LGI1: variants seen among roughly 807,000 people sequenced by gnomAD.
LGI1 encodes leucine-rich glioma-inactivated protein 1.
Under a neutral mutation model 57.7 loss-of-function variants are expected in LGI1, and 11 were observed. The observed-to-expected ratio is 0.19, with a 90% CI of 0.12 to 0.32. The LOEUF (loss-of-function observed/expected upper bound fraction) is 0.32. LGI1 is among the 10% of genes least tolerant of loss of function. LGI1 has a pLI of 1.00. For missense variants in LGI1, 422 were observed against 661.9 expected (o/e 0.64, Z 3.98); for synonymous variants, 222 against 241.9 (o/e 0.92, Z 0.76).
At chr10:93,794,961 C>T (rs551562083) in intron 7 of LGI1, 2 of 152,138 alleles carry the variant, frequency 1.3e-5, no homozygotes, top group African/African-American at 2.4e-5. Flanking sequence ...CCCTTCCAAA[C>T]TGAGACCCTT....
chr10:93,758,441 AGAAGGGCATG>A lies in LGI1; in HGVS notation c.215+85_215+94del. On this transcript the variant is annotated intron_variant, in intron 1 of 7. Coordinates refer to ENST00000371418, the MANE Select transcript of LGI1 (RefSeq NM_005097.4). The surrounding 1 kb of genome is among the most constrained non-coding windows in gnomAD (Gnocchi z 4.7). ...GATTTGGGGCTTTGCATGTATTTGTAGAAGGGCATGGAGAGAGAGATTCCTCTTGCATGCT... is the reference window on the plus strand; with the variant it reads ...GATTTGGGGCTTTGCATGTATTTGTAGAGAGAGAGATTCCTCTTGCATGCT... The A allele has an allele frequency of 7.7e-7, 1 of 1,295,946 alleles. No homozygotes were observed. The allele number at this position is 1,295,946 out of a possible 1,614,324, so 80.3% of individuals were successfully genotyped here.
At chr10:93,787,927 A>T in intron 4 of LGI1, among the ~76,000 whole-genome samples, 1 of 146,152 alleles carries the variant, frequency 6.8e-6, no homozygotes, top group African/African-American at 2.5e-5. Context: ...AAAAAAAAAG[A>T]ATTCCCCTTG....
intron 2 of LGI1, chr10:93,767,289 T>C (rs2059689668): frequency 6.6e-6 from 1 of 152,190 alleles, no homozygotes; most frequent in African/African-American, 2.4e-5. Context: ...TTATTTACTT[T>C]AAAGTTACAC....
At position 93,795,056 on chromosome 10, in the gene LGI1, C is replaced by CTA. The variant is rs143818082; in HGVS notation, c.838+1709_838+1710dup. On this transcript the variant is annotated intron_variant, in intron 7 of 7. Transcript: ENST00000371418. ...AGGCCCCCATAAGTTTTCCAGTGGA[C>CTA]TATAGCAGGGTTTTGTGCGGTCGAA... is the stretch of plus-strand genomic sequence containing the variant. Among the ~76,000 whole-genome samples the CTA allele has an allele frequency of 9.3e-3, 1,415 of 152,252 alleles. 18 individuals are homozygous for CTA. The highest frequency in any genetic ancestry group is 0.032 in the African/African-American group (1,337 of 41,542).
At chr10:93,766,580 C>G (rs2059681378) in intron 2 of LGI1, among the ~76,000 whole-genome samples, 1 of 140,258 alleles carries the variant, frequency 7.1e-6, no homozygotes, top group African/African-American at 2.7e-5. Flanking sequence ...TCTCGGCTCA[C>G]TGCAAGCTCC....
chr10:93,777,470 TA>T lies in LGI1; in HGVS notation c.359+24del, dbSNP rs565885571. ...GTATTTGTAAGTAAAAAAGCTTTTTTAAAACATGATGATTCAGGACAAGTAC... is the reference window on the plus strand; with the variant it reads ...GTATTTGTAAGTAAAAAAGCTTTTTTAAACATGATGATTCAGGACAAGTAC... On this transcript the variant is annotated intron_variant, in intron 3 of 7. Transcript: ENST00000371418. The T allele has an allele frequency of 2.1e-3, 3,407 of 1,612,284 alleles. 10 individuals are homozygous for T. Among genetic ancestry groups the T allele is most frequent in the Non-Finnish European group, 2.7e-3 (3,196 of 1,178,348 alleles).
intron 4 of LGI1, among the ~76,000 whole-genome samples, chr10:93,779,524 A>T (rs2059827841): frequency 1.4e-5 from 2 of 147,284 alleles, no homozygotes; most frequent in Non-Finnish European, 3.0e-5. Flanking sequence ...AAGATGAGAG[A>T]GGAAGGGAAG....
At chr10:93,766,194 A>G (rs1220256640) in intron 2 of LGI1, among the ~76,000 whole-genome samples, 1 of 152,152 alleles carries the variant, frequency 6.6e-6, no homozygotes, top group African/African-American at 2.4e-5. Flanking sequence ...TATCCCTCTC[A>G]TGGAGCAAGG....
At chr10:93,790,458 G>C in intron 5 of LGI1, 3 of 361,888 alleles carry the variant, frequency 8.3e-6, no homozygotes, top group Non-Finnish European at 1.5e-5. Context: ...GGTGGGAAGA[G>C]ACCCGGCTAG....
chr10:93,777,296 A>G, intron 2 of LGI1, 83 bp from the exon 3 acceptor site: 3 of 1,184,110 alleles, frequency 2.5e-6, no homozygotes, highest in Non-Finnish European at 3.8e-6. Flanking sequence ...TACAACTCCC[A>G]CTCATTTTTC....
chr10:93,779,197 C>T (rs1316165973), intron 4 of LGI1, among the ~76,000 whole-genome samples: 1 of 151,274 alleles, frequency 6.6e-6, no homozygotes, highest in Non-Finnish European at 1.5e-5. Flanking sequence ...AACTTGAAAT[C>T]CACTAGATTC....
At position 93,790,025 on chromosome 10, in the gene LGI1, C is replaced by T. The variant is rs2059922481; in HGVS notation, c.432-74C>T. On this transcript the variant is annotated intron_variant, in intron 4 of 7. Transcript: ENST00000371418. ...TGGAAATGACAAAAGAGACTCATCA[C>T]TAAGCTTTATCATTAAATGCCTTTG... 5 of 1,412,250 alleles carry T rather than the reference C, an allele frequency of 3.5e-6. No individual in the cohort carries two copies. The South Asian group carries it at 6.1e-5, about 17-fold the overall frequency. 87.5% of individuals were successfully genotyped at this position (1,412,250 alleles called of 1,614,324 possible). A position where few individuals can be genotyped will look rare whatever the true frequency, so the allele number is the denominator to read the frequency against.
At chr10:93,796,226 G>C (rs2059978437) in intron 7 of LGI1, among the ~76,000 whole-genome samples, 1 of 152,154 alleles carries the variant, frequency 6.6e-6, no homozygotes, top group Non-Finnish European at 1.5e-5. Context: ...GTGACCTAAA[G>C]CTCCAGAAAA....
chr10:93,790,801 T>C (rs1156778218), intron 5 of LGI1: 3 of 152,538 alleles, frequency 2.0e-5, no homozygotes, highest in Non-Finnish European at 4.4e-5. Flanking sequence ...GCAAGGAATT[T>C]GTATATTTTG....
At position 93,797,851 on chromosome 10, in the gene LGI1, C is replaced by T; in HGVS notation, c.*48C>T. On this transcript the variant is annotated 3_prime_UTR_variant, in exon 8 of 8. Coordinates refer to ENST00000371418, the MANE Select transcript of LGI1 (RefSeq NM_005097.4). This position sits in a 1 kb window ranked among gnomAD's most constrained non-coding sequence, Gnocchi z 6.5. ...ATCAGAAATTTTCTACAGTACATGA[C>T]CCGGATGAACTCAATGCATGATGAC... 8.0e-7 allele frequency: 1 copy of T among 1,248,868 alleles called. No individual in the cohort carries two copies. Among genetic ancestry groups the T allele is most frequent in the Non-Finnish European group, 1.2e-6 (1 of 860,712 alleles). The allele number at this position is 1,248,868 out of a possible 1,614,324, so 77.4% of individuals were successfully genotyped here. A position where few individuals can be genotyped will look rare whatever the true frequency, so the allele number is the denominator to read the frequency against.
chr10:93,770,375 C>A (rs1231001902), intron 2 of LGI1: 4 of 152,310 alleles, frequency 2.6e-5, no homozygotes, highest in Non-Finnish European at 5.9e-5. Flanking sequence ...GACTTAGCAC[C>A]AACACATGAG....
intron 4 of LGI1, among the ~76,000 whole-genome samples, chr10:93,780,994 T>C (rs765295460): frequency 6.6e-6 from 1 of 152,170 alleles, no homozygotes; most frequent in Non-Finnish European, 1.5e-5. Context: ...TAAGAAACAA[T>C]GCACTTTCTC....
chr10:93,792,926 C>G lies in LGI1; in HGVS notation c.673+14C>G. 6.2e-7 allele frequency: 1 copy of G among 1,610,822 alleles called. No individual in the cohort carries two copies. The highest frequency in any genetic ancestry group is 8.5e-7 in the Non-Finnish European group (1 of 1,177,102). On this transcript the variant is annotated intron_variant, in intron 6 of 7. Coordinates refer to ENST00000371418, the MANE Select transcript of LGI1 (RefSeq NM_005097.4). ...GCATCATTACAGGTAATGTACTCAT[C>G]ATCATTCCACCTCAAAAAATTAAAA...
chr10:93,766,261 G>A (rs2059677084), intron 2 of LGI1, among the ~76,000 whole-genome samples: 1 of 152,130 alleles, frequency 6.6e-6, no homozygotes, highest in Non-Finnish European at 1.5e-5. Context: ...GTGCTTGCAT[G>A]TGTAAAATGT....
Sources: gnomAD v4.1 joint callset for allele counts (sites outside exome capture counted in the v4.1 genomes callset) on GRCh38, gnomAD v4.1.1 for gene constraint, Gnocchi (gnomAD v3.1) non-coding constraint, MANE v1.5 for transcripts, NCBI Gene and HGNC (gene_info 2026-07-23, HGNC 2026-07-21) for gene names.